The following RAPGEF6 variants were observed in gnomAD, a reference collection of about 807,000 sequenced individuals.
The protein encoded by RAPGEF6 is Rap guanine nucleotide exchange factor 6, also known as PDZ domain containing guanine nucleotide exchange factor (GEF) 2.
In RAPGEF6, 56 loss-of-function variants were observed where a neutral mutation model predicts 171.4. The ratio of observed to expected loss-of-function variants is 0.33; its 90% CI spans 0.26 to 0.41. RAPGEF6 has a LOEUF of 0.41. Ranked by LOEUF, RAPGEF6 falls within the 10% of genes least tolerant of loss-of-function variation. RAPGEF6 has a pLI of 1.00. For synonymous variants in RAPGEF6, 692 were observed against 650.1 expected (o/e 1.06, Z -0.98); for missense variants, 1,674 against 1,921.4 (o/e 0.87, Z 2.41).
Position 131,523,082 on chromosome 5 carries a change from C to A in RAPGEF6, c.496-1561G>T, listed in dbSNP as rs182652762. 1.2e-4 allele frequency among the ~76,000 whole-genome samples: 18 copies of A among 152,078 alleles called. No homozygotes were observed. The East Asian group carries it at 3.5e-3, about 29-fold the overall frequency. ...GCCCAATAAAACCAGGCACATATGACGAGACAGGATGGCACTGATAAAAAG... is the reference window on the plus strand; with the variant it reads ...GCCCAATAAAACCAGGCACATATGAAGAGACAGGATGGCACTGATAAAAAG... On this transcript the variant is annotated intron_variant, in intron 6 of 27. Transcript: ENST00000509018.
intron 21 of RAPGEF6, among the ~76,000 whole-genome samples, chr5:131,451,012 GTAAA>G (rs1753030193): frequency 6.6e-6 from 1 of 152,164 alleles, no homozygotes; most frequent in African/African-American, 2.4e-5. Flanking sequence ...ACATGTGTAA[GTAAA>G]TAGAGGTCCA....
intron 1 of RAPGEF6, among the ~76,000 whole-genome samples, chr5:131,612,936 C>G (rs1432502585): frequency 6.6e-6 from 1 of 152,182 alleles, no homozygotes; most frequent in Admixed American, 6.5e-5. Flanking sequence ...ATACATGTAT[C>G]TTCAGTTCTC....
At chr5:131,437,635 G>T (rs1180824043) in intron 24 of RAPGEF6, among the ~76,000 whole-genome samples, 3 of 152,194 alleles carry the variant, frequency 2.0e-5, no homozygotes, top group Non-Finnish European at 4.4e-5. Context: ...TTACATATGA[G>T]CTACAACAGG....
rs1554079168 is a variant in RAPGEF6 at position 131,528,325 on chromosome 5, A to ATATAT, written c.496-6809_496-6805dup. On this transcript the variant is annotated intron_variant, in intron 6 of 27. Transcript: ENST00000509018. Reference sequence around the variant, plus strand: ...TAATATATTTATATTATATATATATATATATATATATATACACACACACAC... The same window carrying ATATAT: ...TAATATATTTATATTATATATATATATATATTATATATATATATACACACACACAC... Among the ~76,000 whole-genome samples the ATATAT allele has an allele frequency of 7.2e-3, 358 of 49,524 alleles. 18 individuals are homozygous for ATATAT. Among genetic ancestry groups the ATATAT allele is most frequent in the South Asian group, 0.019 (29 of 1,558 alleles). 32.5% of individuals were successfully genotyped at this position (49,524 alleles called of 152,430 possible). A position where few individuals can be genotyped will look rare whatever the true frequency, so the allele number is the denominator to read the frequency against.
intron 6 of RAPGEF6, among the ~76,000 whole-genome samples, chr5:131,541,023 T>C (rs753227851): frequency 1.3e-5 from 2 of 152,214 alleles, no homozygotes; most frequent in Admixed American, 1.3e-4. Flanking sequence ...TTTACCGTTA[T>C]ATGCTATTTA....
intron 1 of RAPGEF6, among the ~76,000 whole-genome samples, chr5:131,611,140 G>A (rs1017209709): frequency 1.3e-5 from 2 of 152,020 alleles, no homozygotes; most frequent in Admixed American, 6.6e-5. Flanking sequence ...ACTTCCTTTC[G>A]TCTCTCCTTC....
At chr5:131,622,267 C>T (rs1039459367) in intron 1 of RAPGEF6, among the ~76,000 whole-genome samples, 1 of 152,180 alleles carries the variant, frequency 6.6e-6, no homozygotes, top group Non-Finnish European at 1.5e-5. Flanking sequence ...AGTTTAGACA[C>T]TTAAGATTTT....
At chr5:131,570,127 A>C (rs1292186686) in intron 4 of RAPGEF6, among the ~76,000 whole-genome samples, 1 of 151,434 alleles carries the variant, frequency 6.6e-6, no homozygotes, top group African/African-American at 2.4e-5. Flanking sequence ...ACTTGGATCC[A>C]AAATAGATAC....
chr5:131,518,399 A>AT (rs11436573), intron 7 of RAPGEF6, among the ~76,000 whole-genome samples: 108,449 of 144,750 alleles, frequency 0.75, 40,652 homozygotes, highest in Non-Finnish European at 0.8. Flanking sequence ...AGAGTTTGAA[A>AT]TTTTTTTTTT....
intron 11 of RAPGEF6, among the ~76,000 whole-genome samples, 165 bp downstream of exon 11, chr5:131,504,461 C>CAA (rs577424552): frequency 1.8e-5 from 2 of 113,808 alleles, no homozygotes. Flanking sequence ...GACTCCATCA[C>CAA]AAAAAAAAAA....
intron 5 of RAPGEF6, among the ~76,000 whole-genome samples, chr5:131,552,115 A>G (rs1487337751): frequency 6.6e-6 from 1 of 152,106 alleles, no homozygotes; most frequent in Admixed American, 6.6e-5. Flanking sequence ...GTAGGGAGTG[A>G]AATAGACAAG....
chr5:131,633,741 A>T (rs1419054022), intron 1 of RAPGEF6, among the ~76,000 whole-genome samples: 1 of 152,214 alleles, frequency 6.6e-6, no homozygotes, highest in Non-Finnish European at 1.5e-5. Flanking sequence ...ATAAAAAATA[A>T]AATAACATTA....
intron 6 of RAPGEF6, among the ~76,000 whole-genome samples, chr5:131,536,650 C>T (rs147579892): frequency 2.0e-5 from 3 of 152,166 alleles, no homozygotes; most frequent in African/African-American, 4.8e-5. Context: ...TCATCATCAA[C>T]CAAGGTGATG....
chr5:131,491,450 G>A (rs1187220052), intron 14 of RAPGEF6, among the ~76,000 whole-genome samples: 2 of 152,134 alleles, frequency 1.3e-5, no homozygotes, highest in African/African-American at 4.8e-5. Context: ...TGGGGAGAAA[G>A]CAAGTTTCCT....
rs745913214 is a variant in RAPGEF6, at chr5:131,510,511, T to A, written c.628-20A>T. On this transcript the variant is annotated intron_variant, in intron 7 of 27. Coordinates refer to ENST00000509018, the MANE Select transcript of RAPGEF6 (RefSeq NM_016340.6). ...CGTAGCCTATGAAAAGAAATCTTGA[T>A]CACTTACCATTTCATGTAAAAAATA... 6.2e-7 allele frequency: 1 copy of A among 1,602,270 alleles called. No homozygotes were observed. The highest frequency in any genetic ancestry group is 8.5e-7 in the Non-Finnish European group (1 of 1,173,920).
chr5:131,495,913 G>A (rs2149878114), intron 12 of RAPGEF6, among the ~76,000 whole-genome samples: 1 of 152,324 alleles, frequency 6.6e-6, no homozygotes, highest in South Asian at 2.1e-4. Context: ...GATAAAAGAA[G>A]TACACAGAAT....
chr5:131,568,952 T>A (rs770340506), intron 4 of RAPGEF6, among the ~76,000 whole-genome samples: 1 of 152,016 alleles, frequency 6.6e-6, no homozygotes, highest in Non-Finnish European at 1.5e-5. Context: ...ATGAATAATA[T>A]GAAAATGAAA....
chr5:131,622,075 A>T (rs1015388479), intron 1 of RAPGEF6, among the ~76,000 whole-genome samples: 1 of 152,128 alleles, frequency 6.6e-6, no homozygotes, highest in Non-Finnish European at 1.5e-5. Flanking sequence ...TCATTAGGCA[A>T]TCTCCCTCAA....
intron 7 of RAPGEF6, among the ~76,000 whole-genome samples, chr5:131,514,113 TTA>T (rs1440944246): frequency 2.0e-5 from 3 of 152,082 alleles, no homozygotes; most frequent in Non-Finnish European, 4.4e-5. Context: ...AAGAATAAAA[TTA>T]GTTAAGAAAA....
Sources: gnomAD v4.1 joint callset for allele counts (sites outside exome capture counted in the v4.1 genomes callset) on GRCh38, gnomAD v4.1.1 for gene constraint, MANE v1.5 for transcripts, NCBI Gene and HGNC (gene_info 2026-07-23, HGNC 2026-07-21) for gene names.